The following ANKLE2 variants were observed in gnomAD, a reference collection of about 807,000 sequenced individuals.
ANKLE2 encodes the protein ankyrin repeat and LEM domain-containing protein 2.
A neutral mutation model predicts 84.2 loss-of-function variants in ANKLE2; 55 were observed. The observed-to-expected ratio is 0.65, with a 90% CI of 0.53 to 0.82. The LOEUF is 0.82. Ranked by LOEUF, ANKLE2 falls within the 40% of genes least tolerant of loss-of-function variation. The pLI is 0.00. For synonymous variants in ANKLE2, 551 were observed against 486.1 expected (o/e 1.13, Z -1.76); for missense variants, 1,238 against 1,201.9 (o/e 1.03, Z -0.44).
intron 1 of ANKLE2, chr12:132,761,346 C>T (rs908576980): frequency 3.4e-6 from 1 of 297,920 alleles, no homozygotes; most frequent in Non-Finnish European, 6.2e-6. Flanking sequence ...CGCCGGGCCC[C>T]CGCCGCCTTC....
chr12:132,747,840 C>T lies in ANKLE2; in HGVS notation c.1222G>A (p.Asp408Asn). 1.3e-6 allele frequency: 2 copies of T among 1,598,670 alleles called. No homozygotes were observed. The highest frequency in any genetic ancestry group is 1.4e-5 in the African/African-American group (1 of 73,832). The change falls in exon 5 of 13, where the codon GAC becomes AAC. Residue 408 changes from aspartate to asparagine, a missense_variant. By Grantham distance (23) the Asp-to-Asn change is conservative (BLOSUM62 1). Transcript: ENST00000357997. ...YVVDLYLNTP[D>N]KMGYDTPLHF... ...GGAGGGTGTGCACGCACCATCTTGT[C>T]GGGGGTGTTGAGGTACAGGTCCACC...
intron 10 of ANKLE2, chr12:132,731,608 T>C (rs1269669891): frequency 1.3e-5 from 2 of 152,078 alleles, no homozygotes; most frequent in African/African-American, 4.8e-5. Context: ...ATTAGCAAAT[T>C]TCTGTTTTTT....
rs72624266 is a variant in ANKLE2 at position 132,748,085 on chromosome 12, G to A, written c.1041+53C>T. On this transcript the variant is annotated intron_variant, in intron 4 of 12. Transcript: ENST00000357997. ...TGTGGACACGCCCTGTGCGAGTGCT[G>A]CGATGGAACGGCCGGGACCGCACAC... 3,147 of 1,605,822 alleles carry A rather than the reference G, an allele frequency of 2.0e-3. 75 individuals are homozygous for A. The East Asian group carries it at 0.057, about 29-fold the overall frequency.
chr12:132,736,784 C>A, intron 8 of ANKLE2, 109 bp downstream of exon 8: 1 of 1,332,082 alleles, frequency 7.5e-7, no homozygotes, highest in East Asian at 2.4e-5. Flanking sequence ...CTTGGGGCTC[C>A]ACAGGACATG....
chr12:132,728,242 T>A (rs2043751082), intron 11 of ANKLE2, 79 bp from the exon 12 acceptor site: 2 of 1,544,396 alleles, frequency 1.3e-6, no homozygotes, highest in East Asian at 2.3e-5. Context: ...CTTTTTTTTT[T>A]ATTTTGAGAC....
At chr12:132,748,969 A>G (rs1026313977) in intron 3 of ANKLE2, 1 of 149,514 alleles carries the variant, frequency 6.7e-6, no homozygotes, top group Admixed American at 6.7e-5. Flanking sequence ...CTCAGCCCCC[A>G]AAAGTGTTGT....
intron 9 of ANKLE2, 47 bp from the exon 10 acceptor site, chr12:132,734,622 T>C: frequency 6.5e-7 from 1 of 1,545,398 alleles, no homozygotes; most frequent in Non-Finnish European, 8.7e-7. Context: ...CCAGAAAAAA[T>C]ACTCAGAACT....
intron 10 of ANKLE2, chr12:132,732,041 T>C (rs1226828397): frequency 1.3e-5 from 2 of 150,520 alleles, no homozygotes; most frequent in African/African-American, 4.9e-5. Context: ...GCTCTCTGCA[T>C]GCTGGTGTCT....
In ANKLE2 at chr12:132,733,022, C is replaced by T. The variant is rs191051262; in HGVS notation, c.1891+1363G>A. Among the ~76,000 whole-genome samples the T allele has an allele frequency of 1.9e-4, 28 of 145,440 alleles. No individual in the cohort carries two copies. The East Asian group carries it at 4.5e-3, about 23-fold the overall frequency. Reference sequence around the variant, plus strand: ...GGTGTCTGATATGCACTGTGTGAAGCGCTCTGCGTCCTGGTGTCTGATATG... The same window carrying T: ...GGTGTCTGATATGCACTGTGTGAAGTGCTCTGCGTCCTGGTGTCTGATATG... On this transcript the variant is annotated intron_variant, in intron 10 of 12. Coordinates refer to ENST00000357997, the MANE Select transcript of ANKLE2 (RefSeq NM_015114.3).
chr12:132,744,915 C>T (rs1037861312), intron 5 of ANKLE2, among the ~76,000 whole-genome samples: 5 of 152,200 alleles, frequency 3.3e-5, no homozygotes, highest in Admixed American at 2.0e-4. Flanking sequence ...CTCCTGACCT[C>T]GTGATCCGCC....
rs547572056 is a variant in ANKLE2, at chr12:132,734,402, T to A, written c.1874A>T (p.Asp625Val). The change falls in exon 10 of 13, where the codon GAT (aspartate) becomes GTT (valine). Residue 625 changes from aspartate to valine, a missense_variant. By Grantham distance (152) the Asp-to-Val change is radical. Around this residue, in one of 3 missense-constraint regions of ANKLE2, gnomAD observed 802 missense variants for 774.5 expected, o/e 1.04. Transcript: ENST00000357997. The stretch of plus-strand genomic sequence containing the variant: ...ATGCTTACCAGACGTGGTGGCTTTA[T>A]CTCGGCAGGAGGCTTCCCGTTCTCC... Reference protein sequence around the residue: ...ETGEREASCRDKATTSGSNSI... With the variant: ...ETGEREASCRVKATTSGSNSI... The A allele has an allele frequency of 3.5e-4, 569 of 1,614,090 alleles. 11 individuals carry two copies. In the South Asian group the frequency reaches 5.8e-3, roughly 17 times the overall value.
chr12:132,737,139 G>GGT lies in ANKLE2; in HGVS notation c.1421-75_1421-74insAC. ...GTCAGGCCTGGGTGAGCAGGACGGG[G>GGT]ATCACGCGAGCCCTTGCCAAGGCCT... On this transcript the variant is annotated intron_variant, in intron 7 of 12. Transcript: ENST00000357997. 4 of 1,485,146 alleles carry GGT rather than the reference G, an allele frequency of 2.7e-6. No individual in the cohort carries two copies. The Admixed American group carries it at 8.9e-5, about 33-fold the overall frequency. The allele number at this position is 1,485,146 out of a possible 1,614,324, so 92.0% of individuals were successfully genotyped here.
At chr12:132,755,269 C>T (rs577466603) in intron 1 of ANKLE2, 136 bp from the exon 2 acceptor site, 171 of 819,782 alleles carry the variant, frequency 2.1e-4, no homozygotes, top group African/African-American at 4.7e-4. Context: ...CTTGGCTGGA[C>T]GCGGTGGCTC....
At chr12:132,731,410 TG>T (rs2043842044) in intron 10 of ANKLE2, 1 of 119,484 alleles carries the variant, frequency 8.4e-6, no homozygotes, top group Non-Finnish European at 1.8e-5. Context: ...GTTTAATGTA[TG>T]TCAATCATTT....
chr12:132,760,375 T>G (rs2136194123), intron 1 of ANKLE2: 1 of 152,256 alleles, frequency 6.6e-6, no homozygotes, highest in South Asian at 2.1e-4. Flanking sequence ...AGGCTGGGTG[T>G]CGTCTGTCAT....
chr12:132,730,097 C>G lies in ANKLE2; in HGVS notation c.2065G>C (p.Ala689Pro), dbSNP rs763948286. 1.2e-6 allele frequency: 2 copies of G among 1,612,210 alleles called. No homozygotes were observed. Among genetic ancestry groups the G allele is most frequent in the Admixed American group, 1.7e-5 (1 of 59,954 alleles). The change falls in exon 11 of 13, where the codon GCC (alanine) becomes CCC (proline). Residue 689 changes from alanine (A) to proline (P), a missense_variant. Physicochemically the swap from Ala to Pro is conservative, Grantham distance 27 (BLOSUM62 -1). Transcript: ENST00000357997. ...LEQEADLIEAAEPGGPHSSRN... is the reference protein window; with the variant it reads ...LEQEADLIEAPEPGGPHSSRN... Reference sequence around the variant, plus strand: ...CTGCTGTGTGGACCTCCCGGCTCGGCGGCTTCTATGAGGTCTGCCTCCTGC... The same window carrying G: ...CTGCTGTGTGGACCTCCCGGCTCGGGGGCTTCTATGAGGTCTGCCTCCTGC...
At chr12:132,753,760 A>G (rs2136174954) in intron 2 of ANKLE2, among the ~76,000 whole-genome samples, 1 of 151,892 alleles carries the variant, frequency 6.6e-6, no homozygotes, top group African/African-American at 2.4e-5. Flanking sequence ...AAACAAAACA[A>G]AACAAAAAAA....
chr12:132,727,332 C>T lies in ANKLE2; in HGVS notation c.2727G>A (p.Lys909=). 1 of 1,563,004 alleles carries T rather than the reference C, an allele frequency of 6.4e-7. No homozygotes were observed. Among genetic ancestry groups the T allele is most frequent in the Non-Finnish European group, 8.7e-7 (1 of 1,154,138 alleles). ...AGCGCCCAGGACTGCCCAGGCCTGG[C>T]TTTGCGGGGTTGCTTCCAGCCACGC... is the stretch of plus-strand genomic sequence containing the variant. ...RNSVAGSNPA[K]PGLGSPGRYS... is the part of the protein sequence containing the mutation. Residue 909 remains lysine (K), a synonymous_variant, in exon 13 of 13, where the codon AAG becomes AAA. Coordinates refer to ENST00000357997, the MANE Select transcript of ANKLE2 (RefSeq NM_015114.3).
At chr12:132,736,694 C>T (rs572887408) in intron 8 of ANKLE2, among the ~76,000 whole-genome samples, 199 bp downstream of exon 8, 37 of 152,334 alleles carry the variant, frequency 2.4e-4, no homozygotes, top group African/African-American at 8.7e-4. Context: ...GGTAAGCAAG[C>T]CACAGAGCCA....
Sources: gnomAD v4.1 joint callset for allele counts (sites outside exome capture counted in the v4.1 genomes callset) on GRCh38, gnomAD v4.1.1 for gene constraint, gnomAD v4.1.1 regional missense constraint, MANE v1.5 for transcripts, NCBI Gene and HGNC (gene_info 2026-07-23, HGNC 2026-07-21) for gene names.